FSD1L: variants seen among roughly 807,000 people sequenced by gnomAD.
FSD1L encodes the protein FSD1-like protein.
A neutral mutation model predicts 71.6 loss-of-function variants in FSD1L; 45 were observed. The ratio of observed to expected loss-of-function variants is 0.63; its 90% confidence interval spans 0.49 to 0.81. The LOEUF (loss-of-function observed/expected upper bound fraction) is 0.81, where lower values mean the gene tolerates loss of function less well. Among genes scored for constraint, FSD1L ranks in the 30% least tolerant of loss-of-function variants. FSD1L has a pLI of 0.00. For synonymous variants in FSD1L, 197 were observed against 207.2 expected (o/e 0.95, Z 0.42); for missense variants, 561 against 618.1 (o/e 0.91, Z 0.98).
chr9:105,474,618 A>T (rs1273340828), intron 5 of FSD1L, among the ~76,000 whole-genome samples: 1 of 152,208 alleles, frequency 6.6e-6, no homozygotes, highest in Non-Finnish European at 1.5e-5. Context: ...ATATTGTTAG[A>T]TGTCTGGAAA....
chr9:105,530,685 AC>A, intron 10 of FSD1L: 1 of 574,174 alleles, frequency 1.7e-6, no homozygotes, highest in South Asian at 2.2e-5. Context: ...CACTCTGACC[AC>A]CAGTTGGGGA....
rs114441421 is a variant in FSD1L at position 105,470,253 on chromosome 9, C to T, written c.340-1651C>T. Among the ~76,000 whole-genome samples, 115 of 152,188 alleles carry T rather than the reference C, an allele frequency of 7.6e-4. 1 individual carries two copies. The highest frequency in any genetic ancestry group is 2.7e-3 in the African/African-American group (114 of 41,528). On this transcript the variant is annotated intron_variant, in intron 4 of 13. Coordinates refer to ENST00000481272, the MANE Select transcript of FSD1L (RefSeq NM_001145313.3). Reference sequence around the variant, plus strand: ...CAATTCAGGGTCCCTTGAGATTCTACATGAATTTTATATATATTTTTTCTG... The same window carrying T: ...CAATTCAGGGTCCCTTGAGATTCTATATGAATTTTATATATATTTTTTCTG...
chr9:105,443,102 G>C (rs1829569305), upstream of FSD1L, among the ~76,000 whole-genome samples: 1 of 152,204 alleles, frequency 6.6e-6, no homozygotes, highest in Non-Finnish European at 1.5e-5. Flanking sequence ...CTTACCACTT[G>C]GCTTAGAGCT....
At chr9:105,467,048 G>C (rs1478547760) in intron 3 of FSD1L, among the ~76,000 whole-genome samples, 3 of 152,206 alleles carry the variant, frequency 2.0e-5, no homozygotes, top group Non-Finnish European at 4.4e-5. Flanking sequence ...TGAATGAATA[G>C]ACTGAGGTCT....
At chr9:105,543,660 A>G (rs1222916945) in intron 13 of FSD1L, among the ~76,000 whole-genome samples, 2 of 151,256 alleles carry the variant, frequency 1.3e-5, no homozygotes, top group African/African-American at 2.4e-5. Context: ...TTCAGTTCCC[A>G]CCTATGAGTG....
intron 1 of FSD1L, among the ~76,000 whole-genome samples, chr9:105,459,904 T>C (rs1040270921): frequency 5.3e-5 from 8 of 152,228 alleles, no homozygotes; most frequent in African/African-American, 1.9e-4. Flanking sequence ...CTTTAGTCTT[T>C]GCAGTTTTGG....
At chr9:105,525,738 A>G in intron 10 of FSD1L, 1 of 1,602,852 alleles carries the variant, frequency 6.2e-7, no homozygotes, top group South Asian at 1.1e-5. Context: ...CCAATACAGG[A>G]GGAAGTCAAG....
In FSD1L at chr9:105,535,049, C is replaced by T. The variant is rs548574518; in HGVS notation, c.1127-18C>T. The T allele has an allele frequency of 1.3e-6, 2 of 1,551,150 alleles. No individual in the cohort carries two copies. The highest frequency in any genetic ancestry group is 2.7e-5 in the African/African-American group (2 of 73,112). The stretch of plus-strand genomic sequence containing the variant: ...TAAGGAAGAGATGAGTCAAATCTAC[C>T]TTTCTGATCTTTTGTAGGAGACACT... On this transcript the variant is annotated intron_variant, in intron 11 of 13. Transcript: ENST00000481272.
intron 1 of FSD1L, among the ~76,000 whole-genome samples, chr9:105,452,669 GCCTTCCTTCCTTCCTTCCTT>G (rs1166449916): frequency 6.9e-4 from 66 of 96,240 alleles, no homozygotes; most frequent in African/African-American, 2.7e-3. Flanking sequence ...CTGCCTGCCT[GCCTTCCTTCCTTCCTTCCTT>G]CCTTCCTTCC....
chr9:105,448,188 C>G lies in FSD1L; in HGVS notation c.-33C>G. The G allele has an allele frequency of 2.0e-6, 3 of 1,529,518 alleles. No homozygotes were observed. Among genetic ancestry groups the G allele is most frequent in the Non-Finnish European group, 2.6e-6 (3 of 1,134,448 alleles). The allele number at this position is 1,529,518 out of a possible 1,614,324, so 94.7% of individuals were successfully genotyped here. ...AGCCTCCTCACACGGTTCGTCGTCT[C>G]GGGTTCGAGCCCAGTGGGCTTAGCC... On this transcript the variant is annotated 5_prime_UTR_variant, in exon 1 of 14. Coordinates refer to ENST00000481272, the MANE Select transcript of FSD1L (RefSeq NM_001145313.3).
chr9:105,518,831 T>TAGAGACAC, intron 10 of FSD1L, among the ~76,000 whole-genome samples: 2 of 151,046 alleles, frequency 1.3e-5, no homozygotes, highest in South Asian at 4.2e-4. Flanking sequence ...CTGAAGGAGA[T>TAGAGACAC]AGAGACACTA....
chr9:105,550,681 G>T lies in FSD1L; in HGVS notation c.*4198G>T, dbSNP rs1837227729. The T allele has an allele frequency of 6.6e-6, 1 of 152,018 alleles. No individual in the cohort carries two copies. The highest frequency in any genetic ancestry group is 2.4e-5 in the African/African-American group (1 of 41,424). The allele number at this position is 152,018 out of a possible 1,614,324, so 9.4% of individuals were successfully genotyped here. ...AAATGGATTACATTTGGTGTATATT[G>T]TCTTCATTGAAAAGATATTGTTGGA... On this transcript the variant is annotated 3_prime_UTR_variant, in exon 14 of 14. Coordinates refer to ENST00000481272, the MANE Select transcript of FSD1L (RefSeq NM_001145313.3).
In FSD1L at chr9:105,534,427, G is replaced by A. The variant is rs1836128381; in HGVS notation, c.1026-66G>A. Reference sequence around the variant, plus strand: ...TCAGAGGTTCCTTCCATGATTTCTAGTTTTAGTTTATGAAACATTTACAGT... The same window carrying A: ...TCAGAGGTTCCTTCCATGATTTCTAATTTTAGTTTATGAAACATTTACAGT... On this transcript the variant is annotated intron_variant, in intron 10 of 13. Coordinates refer to ENST00000481272, the MANE Select transcript of FSD1L (RefSeq NM_001145313.3). 4.9e-6 allele frequency: 4 copies of A among 821,586 alleles called. No homozygotes were observed. The Admixed American group carries it at 8.1e-5, about 17-fold the overall frequency. 50.9% of individuals were successfully genotyped at this position (821,586 alleles called of 1,614,324 possible).
chr9:105,488,464 T>C (rs540238510), intron 7 of FSD1L, among the ~76,000 whole-genome samples: 2 of 152,350 alleles, frequency 1.3e-5, no homozygotes, highest in South Asian at 4.1e-4. Context: ...TGGGCAGTTA[T>C]GAATAAGGCT....
intron 7 of FSD1L, among the ~76,000 whole-genome samples, chr9:105,502,238 T>G (rs1833804679): frequency 6.6e-6 from 1 of 152,202 alleles, no homozygotes; most frequent in Non-Finnish European, 1.5e-5. Flanking sequence ...ATATAAAGTT[T>G]ATGGTATTGT....
chr9:105,481,964 G>C (rs1373702657), intron 6 of FSD1L, among the ~76,000 whole-genome samples: 5 of 151,974 alleles, frequency 3.3e-5, no homozygotes, highest in African/African-American at 1.2e-4. Flanking sequence ...TTGTAGAGAT[G>C]GGGTTTCGCC....
chr9:105,520,358 A>C (rs1239909897), intron 10 of FSD1L: 22 of 1,237,210 alleles, frequency 1.8e-5, no homozygotes, highest in Non-Finnish European at 2.1e-5. Flanking sequence ...ATTTAGTGAA[A>C]AAAAGAATGC....
intron 10 of FSD1L, chr9:105,522,863 C>T: frequency 1.2e-6 from 2 of 1,608,094 alleles, no homozygotes; most frequent in East Asian, 2.2e-5. Context: ...TTCCCAAAGA[C>T]CTCCCTGATA....
At chr9:105,508,490 T>C (rs1797369993) in intron 8 of FSD1L, 127 bp from the exon 9 acceptor site, 1 of 612,298 alleles carries the variant, frequency 1.6e-6, no homozygotes, top group African/African-American at 1.9e-5. Flanking sequence ...ATACCACTCT[T>C]TTAACAAATT....
Sources: gnomAD v4.1 joint callset for allele counts (sites outside exome capture counted in the v4.1 genomes callset) on GRCh38, gnomAD v4.1.1 for gene constraint, MANE v1.5 for transcripts, NCBI Gene and HGNC (gene_info 2026-07-23, HGNC 2026-07-21) for gene names.